Variants in FRAS1 observed in about 807,000 individuals in gnomAD.
FRAS1 encodes the protein Fraser extracellular matrix complex subunit 1.
Under a neutral mutation model 435.2 loss-of-function variants are expected in FRAS1, and 290 were observed. The ratio of observed to expected loss-of-function variants is 0.67; its 90% confidence interval spans 0.61 to 0.73. The LOEUF is 0.73. Among genes scored for constraint, FRAS1 ranks in the 30% least tolerant of loss-of-function variants. The pLI, the probability that FRAS1 is intolerant of heterozygous loss-of-function variation, is 0.00. For missense variants in FRAS1, 4,860 were observed against 5,001.5 expected (o/e 0.97, Z 0.85); for synonymous variants, 1,800 against 1,851.0 (o/e 0.97, Z 0.71).
chr4:78,114,754 T>G (rs1320459026), intron 2 of FRAS1, among the ~76,000 whole-genome samples: 1 of 152,254 alleles, frequency 6.6e-6, no homozygotes, highest in African/African-American at 2.4e-5. Flanking sequence ...TTTCTAGATA[T>G]ACAGTCATGT....
chr4:78,328,780 C>A (rs72866347), intron 18 of FRAS1, among the ~76,000 whole-genome samples: 5,962 of 152,176 alleles, frequency 0.039, 322 homozygotes, highest in African/African-American at 0.12. Context: ...ATAGACTGGG[C>A]ACCAAAGGGC....
rs755613421 is a variant in FRAS1, at chr4:78,451,775, A to G, written c.6467A>G (p.His2156Arg). ...TGATTTTTTTTCCTTTTTATAGGCCACGTAGAATATAGTCATGGAACAGGA... is the reference window on the plus strand; with the variant it reads ...TGATTTTTTTTCCTTTTTATAGGCCGCGTAGAATATAGTCATGGAACAGGA... The part of the protein sequence containing the change: ...SFTQADISQG[H>R]VEYSHGTGEP... Residue 2156 changes from histidine to arginine, a missense_variant, in exon 46 of 74, where the codon CAC becomes CGC. Transcript: ENST00000512123. 8 of 1,602,732 alleles carry G rather than the reference A, an allele frequency of 5.0e-6. No individual in the cohort carries two copies. Among genetic ancestry groups the G allele is most frequent in the Non-Finnish European group, 6.0e-6 (7 of 1,176,148 alleles).
chr4:78,419,807 G>A (rs768711090), intron 33 of FRAS1, among the ~76,000 whole-genome samples: 1 of 152,194 alleles, frequency 6.6e-6, no homozygotes, highest in Non-Finnish European at 1.5e-5. Flanking sequence ...TGAAGGGGAA[G>A]CAGGTACATC....
chr4:78,377,933 AT>A (rs1480209774), intron 26 of FRAS1, among the ~76,000 whole-genome samples: 1 of 151,578 alleles, frequency 6.6e-6, no homozygotes. Context: ...TGTAATTTAC[AT>A]ACCATAAAAT....
intron 1 of FRAS1, among the ~76,000 whole-genome samples, chr4:78,058,804 T>C (rs1739600431): frequency 6.6e-6 from 1 of 152,200 alleles, no homozygotes; most frequent in Admixed American, 6.5e-5. Flanking sequence ...GTGAGACTAG[T>C]TGTCGCCATG....
intron 29 of FRAS1, among the ~76,000 whole-genome samples, chr4:78,399,050 C>T (rs970731504): frequency 6.6e-6 from 1 of 151,960 alleles, no homozygotes; most frequent in Non-Finnish European, 1.5e-5. Context: ...GAGCCTTTTC[C>T]CTCAGAATTC....
At chr4:78,406,411 C>T (rs975709622) in intron 30 of FRAS1, among the ~76,000 whole-genome samples, 7 of 152,232 alleles carry the variant, frequency 4.6e-5, no homozygotes, top group Admixed American at 4.6e-4. Context: ...CTGGGGAGGC[C>T]TCAGAATCAT....
At chr4:78,087,256 G>T (rs911646586) in intron 2 of FRAS1, among the ~76,000 whole-genome samples, 3 of 152,044 alleles carry the variant, frequency 2.0e-5, no homozygotes, top group Non-Finnish European at 4.4e-5. Flanking sequence ...AATAAATTAG[G>T]TATTGATGGA....
At chr4:78,115,269 C>A (rs550160782) in intron 2 of FRAS1, among the ~76,000 whole-genome samples, 49 of 152,146 alleles carry the variant, frequency 3.2e-4, no homozygotes, top group Admixed American at 6.6e-4. Flanking sequence ...ATGTTCATCA[C>A]GGATATTGGT....
At position 78,448,166 on chromosome 4, in the gene FRAS1, C is replaced by T. The variant is rs60539739; in HGVS notation, c.6124C>T (p.Pro2042Ser). The T allele has an allele frequency of 1.8e-3, 2,843 of 1,613,620 alleles. 45 individuals carry two copies. The African/African-American group carries it at 0.034, about 19-fold the overall frequency. ...CCTAGCTGGGCTGGTTGGGTATGTGCCTAGTGTCCCTGGCATGGTCGTGGA... is the reference window on the plus strand; with the variant it reads ...CCTAGCTGGGCTGGTTGGGTATGTGTCTAGTGTCCCTGGCATGGTCGTGGA... The part of the protein sequence containing the change: ...DILAGLVGYV[P>S]SVPGMVVDEF... The change falls in exon 44 of 74, where the codon CCT becomes TCT. Residue 2042 changes from proline to serine, a missense_variant. By Grantham distance (74) the Pro-to-Ser change is moderately conservative. Coordinates refer to ENST00000512123, the MANE Select transcript of FRAS1 (RefSeq NM_025074.7).
chr4:78,074,589 T>A (rs1740539072), intron 2 of FRAS1, among the ~76,000 whole-genome samples: 1 of 152,092 alleles, frequency 6.6e-6, no homozygotes, highest in South Asian at 2.1e-4. Context: ...TTCCCTTTTC[T>A]GTGTTGGCAG....
chr4:78,177,095 T>C (rs551797472), intron 2 of FRAS1, among the ~76,000 whole-genome samples: 1 of 151,520 alleles, frequency 6.6e-6, no homozygotes, highest in East Asian at 1.9e-4. Flanking sequence ...GAGTTTTTTT[T>C]TTTTTTTTTT....
chr4:78,292,128 T>A (rs1727927858), intron 14 of FRAS1, among the ~76,000 whole-genome samples: 1 of 152,226 alleles, frequency 6.6e-6, no homozygotes, highest in African/African-American at 2.4e-5. Flanking sequence ...TCCTTTATTT[T>A]TCAACCTATA....
chr4:78,148,461 A>G (rs905820212), intron 2 of FRAS1, among the ~76,000 whole-genome samples: 2 of 152,216 alleles, frequency 1.3e-5, no homozygotes, highest in African/African-American at 4.8e-5. Context: ...GTGGCAACTT[A>G]GGGTAGGGAA....
At chr4:78,088,537 AG>A (rs1159860546) in intron 2 of FRAS1, among the ~76,000 whole-genome samples, 1 of 152,142 alleles carries the variant, frequency 6.6e-6, no homozygotes, top group Non-Finnish European at 1.5e-5. Context: ...CATCTGACAA[AG>A]GGCTAATACC....
At chr4:78,309,404 A>G (rs1312598113) in intron 15 of FRAS1, among the ~76,000 whole-genome samples, 14 of 152,234 alleles carry the variant, frequency 9.2e-5, no homozygotes. Flanking sequence ...TACGCAAAGC[A>G]CTTAGGATAC....
chr4:78,491,420 C>T (rs1021596194), intron 59 of FRAS1, among the ~76,000 whole-genome samples: 1 of 152,152 alleles, frequency 6.6e-6, no homozygotes, highest in African/African-American at 2.4e-5. Flanking sequence ...TACTGGCAAA[C>T]TGAATCCAGC....
chr4:78,366,648 A>ACAGATGTGATGGTTACAGCACATCC, intron 22 of FRAS1, among the ~76,000 whole-genome samples: 1 of 152,152 alleles, frequency 6.6e-6, no homozygotes, highest in South Asian at 2.1e-4. Context: ...TCAGCACATC[A>ACAGATGTGATGGTTACAGCACATCC]CAGATGTGAT....
At chr4:78,446,965 TTTC>T in intron 43 of FRAS1, 85 bp downstream of exon 43, 1 of 1,310,452 alleles carries the variant, frequency 7.6e-7, no homozygotes, top group Non-Finnish European at 1.1e-6. Context: ...CAGTTGACTA[TTTC>T]TTTTCTTGTA....
Sources: allele counts gnomAD v4.1 joint callset (sites outside exome capture counted in the v4.1 genomes callset), GRCh38; gene constraint gnomAD v4.1.1; transcripts MANE v1.5; gene names NCBI Gene and HGNC (gene_info 2026-07-23, HGNC 2026-07-21).